Variants in IPO9 observed in about 807,000 individuals in gnomAD.
The protein encoded by IPO9 is importin 9, also known as importin-9.
A neutral mutation model predicts 128.6 loss-of-function variants in IPO9; 28 were observed. That is an observed-to-expected ratio of 0.22 (90% CI 0.16 to 0.30). The LOEUF is 0.30. Ranked by LOEUF, IPO9 falls within the 10% of genes least tolerant of loss-of-function variation. The pLI is 1.00. For synonymous variants in IPO9, 455 were observed against 475.8 expected (o/e 0.96, Z 0.57); for missense variants, 935 against 1,293.9 (o/e 0.72, Z 4.26).
chr1:201,845,032 G>T (rs10920263), intron 1 of IPO9, among the ~76,000 whole-genome samples: 98 of 151,290 alleles, frequency 6.5e-4, no homozygotes, highest in Admixed American at 1.9e-3. Context: ...GGGAGGGGGG[G>T]GCGTACAGAG....
At position 201,877,388 on chromosome 1, in the gene IPO9, GTTAAC is replaced by G. The variant is rs1680784838; in HGVS notation, c.*1337_*1341del. 1 of 152,124 alleles carries G rather than the reference GTTAAC, an allele frequency of 6.6e-6. No individual in the cohort carries two copies. The highest frequency in any genetic ancestry group is 1.5e-5 in the Non-Finnish European group (1 of 68,032). 9.4% of individuals were successfully genotyped at this position (152,124 alleles called of 1,614,324 possible). A position where few individuals can be genotyped will look rare whatever the true frequency, so the allele number is the denominator to read the frequency against. On this transcript the variant is annotated 3_prime_UTR_variant, in exon 24 of 24. Coordinates refer to ENST00000361565, the MANE Select transcript of IPO9 (RefSeq NM_018085.5). ...ATGGTGGTGCATGCCTGTAATCCCAGTTAACTTGAGATGCTGAGGCAGGAGAATCG... is the reference window on the plus strand; with the variant it reads ...ATGGTGGTGCATGCCTGTAATCCCAGTTGAGATGCTGAGGCAGGAGAATCG...
At chr1:201,860,537 T>G (rs552589972) in intron 13 of IPO9, among the ~76,000 whole-genome samples, 1 of 152,218 alleles carries the variant, frequency 6.6e-6, no homozygotes, top group Non-Finnish European at 1.5e-5. Flanking sequence ...ACATTTCTTA[T>G]AGAGTTTACC....
intron 4 of IPO9, chr1:201,850,469 T>C (rs1680194428): frequency 6.6e-6 from 1 of 152,200 alleles, no homozygotes; most frequent in African/African-American, 2.4e-5. Flanking sequence ...CTAAGGCTCA[T>C]GGTGTAAAGG....
chr1:201,838,028 C>T (rs111639086), intron 1 of IPO9, among the ~76,000 whole-genome samples: 1 of 152,116 alleles, frequency 6.6e-6, no homozygotes, highest in African/African-American at 2.4e-5. Flanking sequence ...TGAGATTGCG[C>T]CATTGCACTC....
At chr1:201,858,761 T>G (rs1680380425) in intron 12 of IPO9, 94 bp from the exon 13 acceptor site, 6 of 1,320,644 alleles carry the variant, frequency 4.5e-6, no homozygotes, top group Non-Finnish European at 6.3e-6. Flanking sequence ...GAAGAGATTG[T>G]GCTGGAGTGC....
intron 14 of IPO9, among the ~76,000 whole-genome samples, chr1:201,864,049 T>C (rs1247598526): frequency 6.6e-6 from 1 of 152,202 alleles, no homozygotes; most frequent in East Asian, 1.9e-4. Flanking sequence ...CTATCTTTTT[T>C]AAGGCTAGTG....
At chr1:201,833,437 C>G (rs1238828229) in intron 1 of IPO9, among the ~76,000 whole-genome samples, 1 of 152,062 alleles carries the variant, frequency 6.6e-6, no homozygotes, top group Non-Finnish European at 1.5e-5. Context: ...TGGAGTTTCA[C>G]CATGTTAGCC....
At chr1:201,859,036 C>T in intron 13 of IPO9, 42 bp downstream of exon 13, 1 of 1,581,642 alleles carries the variant, frequency 6.3e-7, no homozygotes, top group Non-Finnish European at 8.7e-7. Flanking sequence ...ACTCTTTAAA[C>T]CTGTTGTGGG....
rs1189624438 is a variant in IPO9, at chr1:201,874,928, G to A, written c.2930G>A (p.Ser977Asn). The A allele has an allele frequency of 1.2e-6, 2 of 1,605,464 alleles. No individual in the cohort carries two copies. Among genetic ancestry groups the A allele is most frequent in the Non-Finnish European group, 8.5e-7 (1 of 1,172,214 alleles). Residue 977 changes from serine (S) to asparagine (N), a missense_variant, in exon 22 of 24, where the codon AGT (serine) becomes AAT (asparagine). Transcript: ENST00000361565. Reference protein sequence around the residue: ...GQLLSDILATSKYEEDYYEDD... With the variant: ...GQLLSDILATNKYEEDYYEDD... ...CTTTTATCTGACATTCTTGCTACAA[G>A]TAAATATGGTAAGCTGTTTGATAAG... is the stretch of plus-strand genomic sequence containing the variant.
At chr1:201,831,454 T>A (rs10920260) in intron 1 of IPO9, among the ~76,000 whole-genome samples, 3 of 152,172 alleles carry the variant, frequency 2.0e-5, no homozygotes, top group South Asian at 4.2e-4. Flanking sequence ...TGCTTGTGTC[T>A]TTTAAGTAGT....
At position 201,833,134 on chromosome 1, in the gene IPO9, G is replaced by T. The variant is rs571071196; in HGVS notation, c.163+3762G>T. 2.0e-5 allele frequency among the ~76,000 whole-genome samples: 3 copies of T among 152,144 alleles called. No individual in the cohort carries two copies. In the South Asian group the frequency reaches 6.2e-4, roughly 31 times the overall value. On this transcript the variant is annotated intron_variant, in intron 1 of 23. Coordinates refer to ENST00000361565, the MANE Select transcript of IPO9 (RefSeq NM_018085.5). ...GCACCTGTTCTCTTAAGCCAAGGAA[G>T]TGTGTGTATGTGAGAGATCCATTTG...
intron 13 of IPO9, 132 bp from the exon 14 acceptor site, chr1:201,863,316 C>T (rs1194704886): frequency 4.8e-6 from 4 of 836,372 alleles, no homozygotes; most frequent in African/African-American, 1.7e-5. Context: ...CACGCCATCG[C>T]ACTCCATCCT....
chr1:201,843,477 A>C (rs771876252), intron 1 of IPO9, among the ~76,000 whole-genome samples: 1 of 152,244 alleles, frequency 6.6e-6, no homozygotes, highest in South Asian at 2.1e-4. Context: ...ACTGTCTTTC[A>C]CCTTTATCCT....
chr1:201,870,912 A>G lies in IPO9; in HGVS notation c.2409+54A>G. The G allele has an allele frequency of 1.3e-6, 2 of 1,515,040 alleles. No individual in the cohort carries two copies. Among genetic ancestry groups the G allele is most frequent in the African/African-American group, 3.1e-5 (2 of 64,116 alleles). 93.8% of individuals were successfully genotyped at this position (1,515,040 alleles called of 1,614,324 possible). A position where few individuals can be genotyped will look rare whatever the true frequency, so the allele number is the denominator to read the frequency against. The stretch of plus-strand genomic sequence containing the variant: ...TACTCCCTGGCTGATAGAAATGAAA[A>G]TTCGTATTTTGGTCCTGAGTTATTT... On this transcript the variant is annotated intron_variant, in intron 18 of 23. Transcript: ENST00000361565. The surrounding 1 kb of genome is among the most constrained non-coding windows in gnomAD (Gnocchi z 4.9).
At position 201,829,342 on chromosome 1, in the gene IPO9, G is replaced by A; in HGVS notation, c.133G>A (p.Glu45Lys). ...PVQEVRAAAE[E>K]QIKVLEVTEE... ...ACAGGAGGTGCGGGCGGCTGCTGAAGAACAGATTAAGGTGCTGGAGGTGAC... is the reference window on the plus strand; with the variant it reads ...ACAGGAGGTGCGGGCGGCTGCTGAAAAACAGATTAAGGTGCTGGAGGTGAC... Residue 45 changes from glutamate (E) to lysine (K), a missense_variant, in exon 1 of 24, where the codon GAA (glutamate) becomes AAA (lysine). Glu to Lys is a moderately conservative substitution (Grantham distance 56). Transcript: ENST00000361565. 1 of 1,587,296 alleles carries A rather than the reference G, an allele frequency of 6.3e-7. No homozygotes were observed. Among genetic ancestry groups the A allele is most frequent in the Non-Finnish European group, 8.6e-7 (1 of 1,168,266 alleles).
At chr1:201,871,051 A>G in intron 18 of IPO9, 110 bp from the exon 19 acceptor site, 2 of 1,279,482 alleles carry the variant, frequency 1.6e-6, no homozygotes, top group Non-Finnish European at 2.2e-6. Context: ...TGTCCTGTGG[A>G]TAATACCCTC....
At chr1:201,837,504 C>A (rs912642564) in intron 1 of IPO9, among the ~76,000 whole-genome samples, 1 of 152,072 alleles carries the variant, frequency 6.6e-6, no homozygotes, top group African/African-American at 2.4e-5. Flanking sequence ...AGCTGTGAGC[C>A]TCAGTATTAC....
chr1:201,846,597 A>G (rs1020282034), intron 1 of IPO9, among the ~76,000 whole-genome samples: 1 of 151,620 alleles, frequency 6.6e-6, no homozygotes, highest in African/African-American at 2.4e-5. Flanking sequence ...CTGGTCTTAA[A>G]CTCCTGACCT....
At chr1:201,847,110 G>A (rs548589011) in intron 1 of IPO9, among the ~76,000 whole-genome samples, 169 bp from the exon 2 acceptor site, 49 of 152,244 alleles carry the variant, frequency 3.2e-4, no homozygotes, top group Middle Eastern at 3.2e-3. Context: ...TGTCCTGCAA[G>A]CCAACTTGTT....
Sources: gnomAD v4.1 joint callset for allele counts (sites outside exome capture counted in the v4.1 genomes callset) on GRCh38, gnomAD v4.1.1 for gene constraint, Gnocchi (gnomAD v3.1) non-coding constraint, MANE v1.5 for transcripts, NCBI Gene and HGNC (gene_info 2026-07-23, HGNC 2026-07-21) for gene names.